Variants in GAREM1 observed in about 807,000 individuals in gnomAD.
The protein encoded by GAREM1 is GRB2-associated and regulator of MAPK protein 1.
A neutral mutation model predicts 71.3 loss-of-function variants in GAREM1; 26 were observed. The ratio of observed to expected loss-of-function variants is 0.36; its 90% CI spans 0.27 to 0.51. GAREM1 has a LOEUF of 0.51. GAREM1 is among the 20% of genes least tolerant of loss of function. The probability of loss-of-function intolerance (pLI) is 0.95; values close to 1 mark genes in which losing one functional copy is unlikely to be tolerated. For synonymous variants in GAREM1, 440 were observed against 433.2 expected (o/e 1.02, Z -0.20); for missense variants, 1,026 against 1,103.1 (o/e 0.93, Z 0.99).
At chr18:32,404,074 T>A (rs2048343132) in intron 1 of GAREM1, among the ~76,000 whole-genome samples, 1 of 152,208 alleles carries the variant, frequency 6.6e-6, no homozygotes, top group Admixed American at 6.5e-5. Flanking sequence ...TTATTTTTTT[T>A]ATGCTGATTG....
chr18:32,298,061 T>C (rs997802205), intron 3 of GAREM1, among the ~76,000 whole-genome samples: 3 of 152,322 alleles, frequency 2.0e-5, no homozygotes, highest in African/African-American at 4.8e-5. Context: ...ATTAAACAGA[T>C]CAAAGTTCTC....
At chr18:32,453,765 C>T (rs543413742) in intron 1 of GAREM1, among the ~76,000 whole-genome samples, 7 of 152,244 alleles carry the variant, frequency 4.6e-5, no homozygotes, top group South Asian at 4.1e-4. Context: ...AATCTGCTGG[C>T]AGGACCCCCA....
At chr18:32,368,752 TTCTC>T (rs994558789) in intron 2 of GAREM1, among the ~76,000 whole-genome samples, 1 of 152,204 alleles carries the variant, frequency 6.6e-6, no homozygotes, top group Non-Finnish European at 1.5e-5. Context: ...TTTTCTTTCT[TTCTC>T]TCTCTCACAC....
intron 2 of GAREM1, among the ~76,000 whole-genome samples, chr18:32,364,024 ATATGTTTT>A (rs2047901704): frequency 3.8e-5 from 2 of 52,224 alleles, no homozygotes; most frequent in African/African-American, 3.0e-4. Context: ...ATATATATAT[ATATGTTTT>A]TTTTTTTTTT....
At chr18:32,332,229 AAG>A (rs1477271017) in intron 2 of GAREM1, among the ~76,000 whole-genome samples, 3 of 151,672 alleles carry the variant, frequency 2.0e-5, no homozygotes, top group Non-Finnish European at 1.5e-5. Context: ...ACCAGGTTTT[AAG>A]AGAGTAATGG....
At chr18:32,433,818 A>C (rs999318940) in intron 1 of GAREM1, among the ~76,000 whole-genome samples, 9 of 152,290 alleles carry the variant, frequency 5.9e-5, no homozygotes, top group South Asian at 2.1e-4. Context: ...ATGAAGAAAT[A>C]GCATGTTCAT....
chr18:32,395,423 A>G (rs1445663693), intron 1 of GAREM1, among the ~76,000 whole-genome samples: 1 of 152,272 alleles, frequency 6.6e-6, no homozygotes, highest in African/African-American at 2.4e-5. Context: ...TTAAATTACA[A>G]ATTCATTCGA....
intron 2 of GAREM1, among the ~76,000 whole-genome samples, chr18:32,354,551 A>G (rs1409894067): frequency 3.3e-5 from 5 of 152,208 alleles, no homozygotes; most frequent in Non-Finnish European, 5.9e-5. Context: ...CATTGAAGCT[A>G]GGAGAGAAAC....
At position 32,287,611 on chromosome 18, in the gene GAREM1, A is replaced by C. The variant is rs377345910; in HGVS notation, c.986T>G (p.Ile329Ser). Residue 329 changes from isoleucine to serine, a missense_variant, in exon 4 of 6, where the codon ATC (isoleucine) becomes AGC (serine). Transcript: ENST00000269209. This position sits in a 1 kb window ranked among gnomAD's most constrained non-coding sequence, Gnocchi z 5.9. Reference sequence around the variant, plus strand: ...ATCGATGTCGAACTGTTCTTGGCAGATACCTAGCCAGTGATGGACCAGGGT... The same window carrying C: ...ATCGATGTCGAACTGTTCTTGGCAGCTACCTAGCCAGTGATGGACCAGGGT... ...PETLVHHWLGICQEQFDIDEY... is the reference protein window; with the variant it reads ...PETLVHHWLGSCQEQFDIDEY... 3.1e-6 allele frequency: 5 copies of C among 1,614,068 alleles called. No homozygotes were observed. Among genetic ancestry groups the C allele is most frequent in the Non-Finnish European group, 4.2e-6 (5 of 1,180,036 alleles).
chr18:32,297,092 G>A (rs932600078), intron 3 of GAREM1, among the ~76,000 whole-genome samples: 6 of 152,150 alleles, frequency 3.9e-5, no homozygotes, highest in Non-Finnish European at 5.9e-5. Flanking sequence ...CTGTTTTCAC[G>A]CTATGATGGC....
chr18:32,431,611 C>G (rs1045389592), intron 1 of GAREM1, among the ~76,000 whole-genome samples: 5 of 152,040 alleles, frequency 3.3e-5, no homozygotes, highest in African/African-American at 9.7e-5. Context: ...CTAGGCAACA[C>G]AGCAAAACTC....
intron 3 of GAREM1, among the ~76,000 whole-genome samples, chr18:32,295,265 ATATAT>A (rs2047129327): frequency 1.3e-5 from 2 of 152,084 alleles, no homozygotes; most frequent in Admixed American, 6.6e-5. Context: ...TACACTCATT[ATATAT>A]TATAATAGAT....
At chr18:32,364,020 ATATATATGTTTT>A (rs2047900698) in intron 2 of GAREM1, among the ~76,000 whole-genome samples, 1 of 49,544 alleles carries the variant, frequency 2.0e-5, no homozygotes, top group African/African-American at 1.5e-4. Context: ...ATATATATAT[ATATATATGTTTT>A]TTTTTTTTTT....
chr18:32,465,229 A>C (rs2048988415), intron 1 of GAREM1, among the ~76,000 whole-genome samples: 2 of 152,234 alleles, frequency 1.3e-5, no homozygotes, highest in East Asian at 3.8e-4. Context: ...AGCAAAACTA[A>C]GTTACTTTGG....
chr18:32,306,442 A>G (rs2047256754), intron 3 of GAREM1, among the ~76,000 whole-genome samples: 2 of 150,386 alleles, frequency 1.3e-5, no homozygotes, highest in East Asian at 3.9e-4. Context: ...TGTCCTGTGC[A>G]TCACAGAATG....
At chr18:32,456,418 T>C (rs764405246) in intron 1 of GAREM1, among the ~76,000 whole-genome samples, 5 of 152,120 alleles carry the variant, frequency 3.3e-5, no homozygotes, top group Non-Finnish European at 7.4e-5. Context: ...TGGTGAATAT[T>C]TTTTAAAACA....
rs143838171 is a variant in GAREM1, at chr18:32,268,876, T to C, written c.1734-108A>G. Reference sequence around the variant, plus strand: ...CTGAGTAGAAAAGCGCAGTTAGTTTTGAATTCAATAAAATTCCTGCTAACT... The same window carrying C: ...CTGAGTAGAAAAGCGCAGTTAGTTTCGAATTCAATAAAATTCCTGCTAACT... On this transcript the variant is annotated intron_variant, in intron 5 of 5. Coordinates refer to ENST00000269209, the MANE Select transcript of GAREM1 (RefSeq NM_001242409.2). 204 of 865,872 alleles carry C rather than the reference T, an allele frequency of 2.4e-4. No individual in the cohort carries two copies. The African/African-American group carries it at 3.1e-3, about 13-fold the overall frequency. The allele number at this position is 865,872 out of a possible 1,614,324, so 53.6% of individuals were successfully genotyped here.
intron 1 of GAREM1, among the ~76,000 whole-genome samples, chr18:32,419,286 G>C (rs1311546825): frequency 6.6e-6 from 1 of 152,176 alleles, no homozygotes; most frequent in Non-Finnish European, 1.5e-5. Context: ...GGGCCACCAA[G>C]ATAGTCTCCC....
intron 1 of GAREM1, among the ~76,000 whole-genome samples, chr18:32,409,632 T>G (rs964516545): frequency 6.6e-6 from 1 of 152,182 alleles, no homozygotes; most frequent in African/African-American, 2.4e-5. Flanking sequence ...GACAAAAGAC[T>G]CCTTTCTGAA....
Sources: gnomAD v4.1 joint callset for allele counts (sites outside exome capture counted in the v4.1 genomes callset) on GRCh38, gnomAD v4.1.1 for gene constraint, Gnocchi (gnomAD v3.1) non-coding constraint, MANE v1.5 for transcripts, NCBI Gene and HGNC (gene_info 2026-07-23, HGNC 2026-07-21) for gene names.